PALM2AKAP2: variants seen among roughly 807,000 people sequenced by gnomAD.
The protein encoded by PALM2AKAP2 is PALM2 and AKAP2 fusion, also known as PALM2-AKAP2 fusion protein.
In PALM2AKAP2, 37 loss-of-function variants were observed where a neutral mutation model predicts 71.5. That is an observed-to-expected ratio of 0.52 (90% confidence interval 0.40 to 0.68). The LOEUF (loss-of-function observed/expected upper bound fraction) is 0.68. Among genes scored for constraint, PALM2AKAP2 ranks in the 30% least tolerant of loss-of-function variants. The pLI, the probability that PALM2AKAP2 is intolerant of heterozygous loss-of-function variation, is 0.00. For synonymous variants in PALM2AKAP2, 468 were observed against 478.8 expected, an observed-to-expected ratio of 0.98 and a Z score of 0.29; for missense variants, 1,224 against 1,191.8, an observed-to-expected ratio of 1.03 and a Z score of -0.40.
chr9:109,775,408 G>A (rs1024241914), upstream of PALM2AKAP2, among the ~76,000 whole-genome samples: 12 of 152,012 alleles, frequency 7.9e-5, no homozygotes, highest in African/African-American at 2.9e-4. Flanking sequence ...TTGCTCCATG[G>A]GGACTCCCTA....
At chr9:109,812,286 G>C (rs887934335) in intron 1 of PALM2AKAP2, among the ~76,000 whole-genome samples, 3 of 152,164 alleles carry the variant, frequency 2.0e-5, no homozygotes, top group Non-Finnish European at 2.9e-5. Context: ...ACAACATGGA[G>C]CCCAAAGCCC....
intron 1 of PALM2AKAP2, among the ~76,000 whole-genome samples, chr9:110,092,420 A>G (rs1834735190): frequency 6.6e-6 from 1 of 152,216 alleles, no homozygotes; most frequent in Non-Finnish European, 1.5e-5. Context: ...GTTTCCTTGT[A>G]TTTTAATTAA....
chr9:109,734,267 G>A (rs78119985), intron 1 of PALM2AKAP2, among the ~76,000 whole-genome samples: 6,488 of 151,980 alleles, frequency 0.043, 189 homozygotes, highest in Non-Finnish European at 0.053. Flanking sequence ...GCTATCCTGA[G>A]GAATCAATCT....
intron 1 of PALM2AKAP2, among the ~76,000 whole-genome samples, chr9:109,757,509 T>C (rs1017909485): frequency 1.3e-5 from 2 of 152,042 alleles, no homozygotes. Flanking sequence ...GAGAGGCAGG[T>C]CTGCCCCATA....
At chr9:109,923,520 A>G (rs1027825275) in intron 3 of PALM2AKAP2, among the ~76,000 whole-genome samples, 4 of 152,240 alleles carry the variant, frequency 2.6e-5, no homozygotes, top group Non-Finnish European at 4.4e-5. Context: ...CAGTGGAGGC[A>G]GTGCTGTGTT....
intron 1 of PALM2AKAP2, among the ~76,000 whole-genome samples, chr9:109,745,194 A>G (rs1031169650): frequency 1.3e-5 from 2 of 152,134 alleles, no homozygotes; most frequent in African/African-American, 4.8e-5. Flanking sequence ...CCACTTAAAA[A>G]TAAGGCTCGT....
intron 6 of PALM2AKAP2, among the ~76,000 whole-genome samples, chr9:109,934,351 T>G (rs915604494): frequency 6.6e-6 from 1 of 152,198 alleles, no homozygotes; most frequent in Non-Finnish European, 1.5e-5. Flanking sequence ...CTTATCCTTA[T>G]CCTGCACCCT....
chr9:109,941,145 CTTTTTTT>C (rs34635858), intron 6 of PALM2AKAP2, among the ~76,000 whole-genome samples: 23 of 106,280 alleles, frequency 2.2e-4, no homozygotes, highest in African/African-American at 4.1e-4. Flanking sequence ...TCTTCCTCTT[CTTTTTTT>C]TTTTTTTTTT....
At chr9:109,961,657 A>G (rs925414340) in intron 6 of PALM2AKAP2, among the ~76,000 whole-genome samples, 3 of 152,180 alleles carry the variant, frequency 2.0e-5, no homozygotes, top group South Asian at 4.1e-4. Flanking sequence ...TGCTTTGTCA[A>G]CTACTCCACA....
At chr9:109,977,986 T>C (rs757014726) in intron 6 of PALM2AKAP2, among the ~76,000 whole-genome samples, 1 of 152,180 alleles carries the variant, frequency 6.6e-6, no homozygotes, top group African/African-American at 2.4e-5. Context: ...CAATCTGAGA[T>C]GGAGTGGGAC....
At chr9:109,699,124 G>T (rs953870230) in intron 1 of PALM2AKAP2, among the ~76,000 whole-genome samples, 3 of 152,102 alleles carry the variant, frequency 2.0e-5, no homozygotes, top group African/African-American at 7.2e-5. Context: ...TGGGCAAAAA[G>T]AAAAATGGGC....
At chr9:110,093,517 T>G (rs1026875874) in intron 1 of PALM2AKAP2, among the ~76,000 whole-genome samples, 11 of 152,162 alleles carry the variant, frequency 7.2e-5, no homozygotes, top group Admixed American at 3.9e-4. Flanking sequence ...ATAGCAGAAA[T>G]ATTGTCTTGG....
At chr9:109,691,505 C>T (rs1264084036) in intron 1 of PALM2AKAP2, among the ~76,000 whole-genome samples, 1 of 151,930 alleles carries the variant, frequency 6.6e-6, no homozygotes, top group African/African-American at 2.4e-5. Context: ...GAAAGGGATG[C>T]TCCCAAATGC....
At chr9:110,053,676 G>A (rs948975240) in intron 1 of PALM2AKAP2, among the ~76,000 whole-genome samples, 1 of 152,202 alleles carries the variant, frequency 6.6e-6, no homozygotes, top group Non-Finnish European at 1.5e-5. Flanking sequence ...TGTGGAGGCA[G>A]AATGCTGCTG....
At chr9:109,910,693 A>T (rs1309313871) in intron 3 of PALM2AKAP2, among the ~76,000 whole-genome samples, 1 of 152,050 alleles carries the variant, frequency 6.6e-6, no homozygotes, top group Non-Finnish European at 1.5e-5. Flanking sequence ...GGGCAGAGGG[A>T]CTGAGGCTGA....
At chr9:109,966,828 C>T (rs542537762) in intron 6 of PALM2AKAP2, among the ~76,000 whole-genome samples, 22 of 152,254 alleles carry the variant, frequency 1.4e-4, no homozygotes, top group African/African-American at 4.6e-4. Flanking sequence ...AGGTCTCAGG[C>T]GGTACTCAAT....
chr9:110,032,060 GAAA>G (rs560993508), intron 7 of PALM2AKAP2, among the ~76,000 whole-genome samples: 4 of 119,370 alleles, frequency 3.4e-5, no homozygotes, highest in Non-Finnish European at 5.2e-5. Flanking sequence ...AGCTTACGGG[GAAA>G]AAAAAAAAAA....
At chr9:109,650,691 G>T (rs1272539751) in intron 1 of PALM2AKAP2, among the ~76,000 whole-genome samples, 1 of 152,154 alleles carries the variant, frequency 6.6e-6, no homozygotes, top group Non-Finnish European at 1.5e-5. Context: ...ATCCCAAAGT[G>T]CTGGGATTAT....
chr9:109,726,522 G>A (rs1278445206), intron 1 of PALM2AKAP2, among the ~76,000 whole-genome samples: 1 of 152,194 alleles, frequency 6.6e-6, no homozygotes, highest in Non-Finnish European at 1.5e-5. Flanking sequence ...GAGATTCTGT[G>A]AGTGACTTCA....
Sources: gnomAD v4.1 joint callset for allele counts (sites outside exome capture counted in the v4.1 genomes callset) on GRCh38, gnomAD v4.1.1 for gene constraint, MANE v1.5 for transcripts, NCBI Gene and HGNC (gene_info 2026-07-23, HGNC 2026-07-21) for gene names.